ITGB3BP: variants seen among roughly 807,000 people sequenced by gnomAD.
The protein encoded by ITGB3BP is centromere protein R.
Under a neutral mutation model 29.1 loss-of-function variants are expected in ITGB3BP, and 27 were observed. The observed-to-expected ratio is 0.93, with a 90% CI of 0.68 to 1.28. The LOEUF (loss-of-function observed/expected upper bound fraction) is 1.28. ITGB3BP is among the 50% of genes most tolerant of loss of function. ITGB3BP has a pLI of 0.00. For synonymous variants in ITGB3BP, 61 were observed against 61.4 expected (o/e 0.99, Z 0.03); for missense variants, 192 against 200.2 (o/e 0.96, Z 0.25).
chr1:63,445,967 G>C lies in ITGB3BP; in HGVS notation c.*1+839C>G, dbSNP rs1397185077. 2.6e-5 allele frequency among the ~76,000 whole-genome samples: 4 copies of C among 152,046 alleles called. 1 individual carries two copies. The highest frequency in any genetic ancestry group is 5.9e-5 in the Non-Finnish European group (4 of 68,020). On this transcript the variant is annotated intron_variant, in intron 8 of 8. Transcript: ENST00000271002. ...CGCCCAGGCTGGAGTGCAGTGGCGTGATCTCAGCTCACTGCAACCTCTGCC... is the reference window on the plus strand; with the variant it reads ...CGCCCAGGCTGGAGTGCAGTGGCGTCATCTCAGCTCACTGCAACCTCTGCC...
upstream of ITGB3BP, chr1:63,525,609 A>G: frequency 3.8e-6 from 6 of 1,575,614 alleles, no homozygotes; most frequent in Non-Finnish European, 5.1e-6. Flanking sequence ...AACTTTCTCC[A>G]GTCAGAAATC....
intron 4 of ITGB3BP, among the ~76,000 whole-genome samples, chr1:63,464,521 C>CA (rs1286351771): frequency 6.6e-6 from 1 of 152,012 alleles, no homozygotes; most frequent in African/African-American, 2.4e-5. Flanking sequence ...GGCCAACCAG[C>CA]AGAAGGTCAA....
At chr1:63,472,702 C>A (rs1645226729) in intron 4 of ITGB3BP, among the ~76,000 whole-genome samples, 1 of 151,362 alleles carries the variant, frequency 6.6e-6, no homozygotes, top group African/African-American at 2.4e-5. Flanking sequence ...GTCTCCAGCT[C>A]CTAACCGCGA....
At chr1:63,486,361 T>TA (rs1178520688) in intron 3 of ITGB3BP, among the ~76,000 whole-genome samples, 2 of 152,004 alleles carry the variant, frequency 1.3e-5, no homozygotes, top group African/African-American at 4.8e-5. Flanking sequence ...ATCCCCCATG[T>TA]AGTCAAAAAT....
chr1:63,460,825 TAGATGTAAGGTTTA>T (rs1206999174), intron 4 of ITGB3BP, among the ~76,000 whole-genome samples: 3 of 152,264 alleles, frequency 2.0e-5, no homozygotes, highest in East Asian at 3.9e-4. Context: ...GACATCCTCG[TAGATGTAAGGTTTA>T]AGATGTAAGG....
At chr1:63,511,991 T>C (rs2100790089) in intron 1 of ITGB3BP, among the ~76,000 whole-genome samples, 1 of 152,256 alleles carries the variant, frequency 6.6e-6, no homozygotes, top group South Asian at 2.1e-4. Context: ...TTTTAAAGGA[T>C]ATCTACTTAT....
chr1:63,477,489 C>A (rs796096611), intron 4 of ITGB3BP, among the ~76,000 whole-genome samples: 12 of 152,218 alleles, frequency 7.9e-5, no homozygotes, highest in African/African-American at 2.4e-4. Context: ...GAGGCCTGGG[C>A]GAGTGGGTCG....
chr1:63,519,224 A>G (rs1255000331), intron 1 of ITGB3BP, among the ~76,000 whole-genome samples: 4 of 152,252 alleles, frequency 2.6e-5, no homozygotes, highest in East Asian at 1.9e-4. Flanking sequence ...ACTGAACATC[A>G]CAGCTTAAAC....
At chr1:63,486,828 A>G (rs951808182) in intron 3 of ITGB3BP, among the ~76,000 whole-genome samples, 12 of 152,024 alleles carry the variant, frequency 7.9e-5, no homozygotes, top group African/African-American at 2.9e-4. Flanking sequence ...ACTGCAATAC[A>G]CAATTTACTT....
rs201879801 is a variant in ITGB3BP at position 63,453,935 on chromosome 1, G to T, written c.467C>A (p.Thr156Lys). 2.1e-5 allele frequency: 33 copies of T among 1,581,794 alleles called. No homozygotes were observed. Among genetic ancestry groups the T allele is most frequent in the Non-Finnish European group, 2.6e-5 (30 of 1,157,114 alleles). The part of the protein sequence containing the change: ...VNKQKLFEKS[T>K]GLPHKASRHL... ...CTACTTACCTTTGTGAGGAAGTCCTGTACTCTTTTCAAACAGTTTTTGTTT... is the reference window on the plus strand; with the variant it reads ...CTACTTACCTTTGTGAGGAAGTCCTTTACTCTTTTCAAACAGTTTTTGTTT... The change falls in exon 7 of 9, where the codon ACA (threonine) becomes AAA (lysine). Residue 156 changes from threonine (T) to lysine (K), a missense_variant. Transcript: ENST00000271002.
chr1:63,479,806 C>A (rs1008700600), intron 3 of ITGB3BP, among the ~76,000 whole-genome samples: 6 of 152,110 alleles, frequency 3.9e-5, no homozygotes, highest in African/African-American at 1.4e-4. Context: ...GAGCATTCCA[C>A]TGAGTATATA....
chr1:63,509,296 C>T (rs1570311563), intron 1 of ITGB3BP, among the ~76,000 whole-genome samples: 2 of 152,252 alleles, frequency 1.3e-5, no homozygotes, highest in Middle Eastern at 6.8e-3. Flanking sequence ...TTCTAAAGAG[C>T]AGTCATCAAC....
intron 2 of ITGB3BP, among the ~76,000 whole-genome samples, chr1:63,492,046 T>C (rs1194492209): frequency 6.6e-6 from 1 of 152,168 alleles, no homozygotes; most frequent in African/African-American, 2.4e-5. Flanking sequence ...TGTACATCTA[T>C]ATCTATCTGT....
At chr1:63,497,123 T>C (rs1570268647) in intron 2 of ITGB3BP, among the ~76,000 whole-genome samples, 1 of 152,204 alleles carries the variant, frequency 6.6e-6, no homozygotes, top group East Asian at 1.9e-4. Flanking sequence ...CAGGAATAAA[T>C]GTATGAAGCA....
intron 4 of ITGB3BP, among the ~76,000 whole-genome samples, chr1:63,472,937 T>C (rs1260812513): frequency 6.8e-6 from 1 of 148,130 alleles, no homozygotes; most frequent in East Asian, 2.1e-4. Flanking sequence ...TGGCCGCCCA[T>C]CATCTGGGAT....
intron 7 of ITGB3BP, chr1:63,449,922 C>T (rs1644839632): frequency 6.6e-6 from 1 of 152,284 alleles, no homozygotes; most frequent in Admixed American, 6.6e-5. Flanking sequence ...AATACTTTTT[C>T]AAGCCTGAGT....
At chr1:63,446,538 TC>T (rs1644793188) in intron 8 of ITGB3BP, 2 of 414,074 alleles carry the variant, frequency 4.8e-6, no homozygotes, top group South Asian at 8.8e-5. Flanking sequence ...CCTTTTACAC[TC>T]AGTTAAAAAT....
At chr1:63,460,031 C>A (rs889096211) in intron 4 of ITGB3BP, among the ~76,000 whole-genome samples, 1 of 151,740 alleles carries the variant, frequency 6.6e-6, no homozygotes. Context: ...AAAAAAATTC[C>A]CCCCCGTGTT....
rs151164624 is a variant in ITGB3BP, at chr1:63,494,270, C to G, written c.49-4052G>C. ...AGTAGCTGGGATTACAGGCACCCACCACCACGTCCGGCTAATTTGTGTATT... is the reference window on the plus strand; with the variant it reads ...AGTAGCTGGGATTACAGGCACCCACGACCACGTCCGGCTAATTTGTGTATT... On this transcript the variant is annotated intron_variant, in intron 2 of 8. Coordinates refer to ENST00000271002, the MANE Select transcript of ITGB3BP (RefSeq NM_014288.5). 7.8e-3 allele frequency among the ~76,000 whole-genome samples: 1,186 copies of G among 152,158 alleles called. 12 individuals are homozygous for G. Among genetic ancestry groups the G allele is most frequent in the African/African-American group, 0.026 (1,073 of 41,476 alleles).
Sources: allele counts gnomAD v4.1 joint callset (sites outside exome capture counted in the v4.1 genomes callset), GRCh38; gene constraint gnomAD v4.1.1; transcripts MANE v1.5; gene names NCBI Gene and HGNC (gene_info 2026-07-23, HGNC 2026-07-21).